Variants in UNC5D observed in about 807,000 individuals in gnomAD.
The protein encoded by UNC5D is netrin receptor UNC5D.
In UNC5D, 39 loss-of-function variants were observed where a neutral mutation model predicts 105.4. The ratio of observed to expected loss-of-function variants is 0.37; its 90% CI spans 0.29 to 0.48. The LOEUF (loss-of-function observed/expected upper bound fraction) is 0.48. Ranked by LOEUF, UNC5D falls within the 20% of genes least tolerant of loss-of-function variation. UNC5D has a pLI of 0.98. For missense variants in UNC5D, 991 were observed against 1,202.4 expected, an observed-to-expected ratio of 0.82 and a Z score of 2.60; for synonymous variants, 452 against 450.4, an observed-to-expected ratio of 1.00 and a Z score of -0.04.
At position 35,296,968 on chromosome 8, in the gene UNC5D, A is replaced by G. The variant is rs371430716; in HGVS notation, c.103+61081A>G. Among the ~76,000 whole-genome samples, 100 of 152,318 alleles carry G rather than the reference A, an allele frequency of 6.6e-4. 1 individual carries two copies. The South Asian group carries it at 0.01, about 15-fold the overall frequency. ...CACATAATAATATTGATAGTAACAG[A>G]TTTCTTAAAGTTGAAAATCCTAAAT... On this transcript the variant is annotated intron_variant, in intron 1 of 16. Coordinates refer to ENST00000404895, the MANE Select transcript of UNC5D (RefSeq NM_080872.4).
At chr8:35,371,226 T>C (rs1342334584) in intron 1 of UNC5D, among the ~76,000 whole-genome samples, 1 of 151,994 alleles carries the variant, frequency 6.6e-6, no homozygotes, top group Non-Finnish European at 1.5e-5. Context: ...ATAGCAAAGA[T>C]GGAGAACACA....
intron 6 of UNC5D, among the ~76,000 whole-genome samples, chr8:35,685,505 C>T (rs1428219633): frequency 1.3e-5 from 2 of 152,078 alleles, no homozygotes; most frequent in Admixed American, 6.6e-5. Context: ...AGTCTCATGT[C>T]TTTATAATAA....
chr8:35,466,681 A>T (rs2129749018), intron 1 of UNC5D, among the ~76,000 whole-genome samples: 1 of 152,356 alleles, frequency 6.6e-6, no homozygotes, highest in Non-Finnish European at 1.5e-5. Context: ...TTTGGATTTC[A>T]ACAGTCCTGT....
At chr8:35,635,003 C>T (rs1236213560) in intron 4 of UNC5D, among the ~76,000 whole-genome samples, 17 of 152,016 alleles carry the variant, frequency 1.1e-4, no homozygotes, top group Admixed American at 9.8e-4. Flanking sequence ...TGACCTCAGG[C>T]GATCCACCCG....
At chr8:35,576,916 A>G (rs1282413969) in intron 3 of UNC5D, among the ~76,000 whole-genome samples, 1 of 152,050 alleles carries the variant, frequency 6.6e-6, no homozygotes, top group Non-Finnish European at 1.5e-5. Context: ...CCTGGCAACT[A>G]ACAGAGTTTT....
chr8:35,330,192 A>G (rs1810502844), intron 1 of UNC5D, among the ~76,000 whole-genome samples: 1 of 152,222 alleles, frequency 6.6e-6, no homozygotes, highest in Middle Eastern at 3.2e-3. Context: ...ACCTTAGTAC[A>G]TATTATAGTT....
At chr8:35,689,123 C>A (rs1171384779) in intron 7 of UNC5D, among the ~76,000 whole-genome samples, 1 of 152,192 alleles carries the variant, frequency 6.6e-6, no homozygotes, top group Non-Finnish European at 1.5e-5. Context: ...CCTTCACTAA[C>A]AACCACAGGT....
intron 3 of UNC5D, among the ~76,000 whole-genome samples, chr8:35,572,091 A>T (rs781275926): frequency 1.3e-5 from 2 of 152,072 alleles, no homozygotes; most frequent in Non-Finnish European, 2.9e-5. Context: ...GTTCGAGACC[A>T]GCCTGGCCAA....
intron 1 of UNC5D, among the ~76,000 whole-genome samples, chr8:35,542,766 T>A (rs1002897202): frequency 6.6e-6 from 1 of 152,202 alleles, no homozygotes; most frequent in Non-Finnish European, 1.5e-5. Flanking sequence ...ACGGTCCATA[T>A]CACTAGGACT....
intron 1 of UNC5D, among the ~76,000 whole-genome samples, chr8:35,239,827 T>G (rs1453697410): frequency 6.6e-6 from 1 of 152,216 alleles, no homozygotes; most frequent in South Asian, 2.1e-4. Flanking sequence ...TATTTCTATT[T>G]CATTCTTAGT....
chr8:35,514,303 A>G (rs1334401464), intron 1 of UNC5D, among the ~76,000 whole-genome samples: 1 of 152,170 alleles, frequency 6.6e-6, no homozygotes, highest in East Asian at 1.9e-4. Context: ...CTCCCATGCC[A>G]TCACATACCC....
intron 4 of UNC5D, among the ~76,000 whole-genome samples, chr8:35,677,775 C>CTT (rs1825349282): frequency 6.7e-6 from 1 of 149,556 alleles, no homozygotes; most frequent in Non-Finnish European, 1.5e-5. Flanking sequence ...AGTATACCAG[C>CTT]ATATATATAT....
At chr8:35,632,904 C>G (rs1822129386) in intron 4 of UNC5D, among the ~76,000 whole-genome samples, 1 of 152,204 alleles carries the variant, frequency 6.6e-6, no homozygotes, top group Admixed American at 6.5e-5. Flanking sequence ...TCCAAAACTA[C>G]TCTTCACCTC....
intron 4 of UNC5D, among the ~76,000 whole-genome samples, chr8:35,668,046 C>A (rs1327310147): frequency 1.3e-5 from 2 of 152,076 alleles, no homozygotes; most frequent in Non-Finnish European, 2.9e-5. Flanking sequence ...AGGAATGTAC[C>A]AATTTCGATT....
At position 35,766,955 on chromosome 8, in the gene UNC5D, C is replaced by T. The variant is rs766159625; in HGVS notation, c.2367C>T (p.Ala789=). The T allele has an allele frequency of 1.2e-6, 2 of 1,613,970 alleles. No individual in the cohort carries two copies. The highest frequency in any genetic ancestry group is 1.3e-5 in the African/African-American group (1 of 74,914). Residue 789 remains alanine, a synonymous_variant, in exon 15 of 17, where the codon GCC becomes GCT. Transcript: ENST00000404895. ...WCSNRQPLHC[A]FSLERYTPTT... ...GTAACCGGCAGCCCCTGCACTGTGC[C>T]TTCTCCCTGGAGCGTTATACGCCCA...
At chr8:35,685,486 C>G in intron 6 of UNC5D, among the ~76,000 whole-genome samples, 1 of 152,146 alleles carries the variant, frequency 6.6e-6, no homozygotes, top group East Asian at 1.9e-4. Flanking sequence ...TCCAAGGACA[C>G]TGGACTAGAG....
At chr8:35,593,506 A>G (rs1248269800) in intron 3 of UNC5D, among the ~76,000 whole-genome samples, 1 of 152,190 alleles carries the variant, frequency 6.6e-6, no homozygotes, top group Non-Finnish European at 1.5e-5. Flanking sequence ...TAATCCAAGC[A>G]TTTCGGGAGG....
intron 1 of UNC5D, among the ~76,000 whole-genome samples, chr8:35,428,334 C>G (rs930116054): frequency 3.4e-5 from 5 of 148,804 alleles, no homozygotes; most frequent in African/African-American, 1.3e-4. Flanking sequence ...GTACATGCCA[C>G]CATGCCTGGC....
chr8:35,235,748 G>T lies in UNC5D; in HGVS notation c.-37G>T, dbSNP rs924553007. On this transcript the variant is annotated 5_prime_UTR_variant, in exon 1 of 17. Coordinates refer to ENST00000404895, the MANE Select transcript of UNC5D (RefSeq NM_080872.4). Reference sequence around the variant, plus strand: ...CGACCCTTTCCCGGGCTCCCGGAGCGTGAAGAAGAGCCGCCCTCCGGAACG... The same window carrying T: ...CGACCCTTTCCCGGGCTCCCGGAGCTTGAAGAAGAGCCGCCCTCCGGAACG... The T allele has an allele frequency of 3.6e-5, 44 of 1,226,244 alleles. 1 individual carries two copies. Among genetic ancestry groups the T allele is most frequent in the Middle Eastern group, 4.5e-4 (2 of 4,446 alleles). The allele number at this position is 1,226,244 out of a possible 1,614,324, so 76.0% of individuals were successfully genotyped here.
Sources: allele counts gnomAD v4.1 joint callset (sites outside exome capture counted in the v4.1 genomes callset), GRCh38; gene constraint gnomAD v4.1.1; transcripts MANE v1.5; gene names NCBI Gene and HGNC (gene_info 2026-07-23, HGNC 2026-07-21).